The following CNOT4 variants were observed in gnomAD, a reference collection of about 807,000 sequenced individuals.
The protein encoded by CNOT4 is CCR4-associated factor 4.
A neutral mutation model predicts 73.8 loss-of-function variants in CNOT4; 8 were observed. That is an observed-to-expected ratio of 0.11 (90% CI 0.06 to 0.20). CNOT4 has a LOEUF of 0.20. CNOT4 is among the 10% of genes least tolerant of loss of function. The probability of loss-of-function intolerance (pLI) is 1.00; values close to 1 mark genes in which losing one functional copy is unlikely to be tolerated. For synonymous variants in CNOT4, 293 were observed against 321.1 expected, an observed-to-expected ratio of 0.91 and a Z score of 0.94; for missense variants, 564 against 883.4, an observed-to-expected ratio of 0.64 and a Z score of 4.58.
chr7:135,395,131 T>C (rs1307347560), intron 9 of CNOT4, among the ~76,000 whole-genome samples: 1 of 152,152 alleles, frequency 6.6e-6, no homozygotes, highest in Admixed American at 6.5e-5. Context: ...TTCATGCCTG[T>C]AATCCCAGCA....
chr7:135,418,570 G>A (rs1160857372), intron 3 of CNOT4, among the ~76,000 whole-genome samples: 5 of 152,122 alleles, frequency 3.3e-5, no homozygotes, highest in Admixed American at 3.3e-4. Context: ...ATGGATGGAT[G>A]AACAACATGC....
At chr7:135,387,273 A>G (rs1796167012) in intron 10 of CNOT4, 1 of 985,056 alleles carries the variant, frequency 1.0e-6, no homozygotes, top group African/African-American at 1.7e-5. Context: ...TTTTACAAAA[A>G]TAACTTAAAT....
chr7:135,483,688 G>C (rs1380872805), intron 1 of CNOT4, among the ~76,000 whole-genome samples: 1 of 151,916 alleles, frequency 6.6e-6, no homozygotes, highest in Non-Finnish European at 1.5e-5. Context: ...GCCGGACAAG[G>C]TGTCACATGC....
intron 1 of CNOT4, among the ~76,000 whole-genome samples, chr7:135,445,938 G>A (rs1585655261): frequency 6.6e-6 from 1 of 152,132 alleles, no homozygotes; most frequent in Admixed American, 6.5e-5. Flanking sequence ...AGTGAGTGGT[G>A]GGATCATAGC....
At chr7:135,442,471 T>C (rs184351910) in intron 1 of CNOT4, among the ~76,000 whole-genome samples, 2 of 152,186 alleles carry the variant, frequency 1.3e-5, no homozygotes, top group Admixed American at 6.5e-5. Flanking sequence ...TGTTGGTGCA[T>C]GCCTGTAATC....
In CNOT4 at chr7:135,362,902, T is replaced by A. The variant is rs758335895; in HGVS notation, c.2125A>T (p.Thr709Ser). The change falls in exon 12 of 12, where the codon ACA becomes TCA. Residue 709 changes from threonine to serine, a missense_variant. Around this residue, in one of 10 missense-constraint regions of CNOT4, gnomAD observed 88 missense variants for 94.7 expected, o/e 0.93. Transcript: ENST00000541284. Reference protein sequence around the residue: ...KTPTDLLQSSTLDRH With the variant: ...KTPTDLLQSSSLDRH ...CTCTTTGCCTAATGGCGGTCCAGTG[T>A]TGAACTCTGTAGTAAATCTGTGGGG... is the stretch of plus-strand genomic sequence containing the variant. The A allele has an allele frequency of 5.6e-6, 9 of 1,613,686 alleles. No homozygotes were observed. Among genetic ancestry groups the A allele is most frequent in the Non-Finnish European group, 5.1e-6 (6 of 1,179,802 alleles).
At chr7:135,415,886 C>T (rs1797846825) in intron 3 of CNOT4, among the ~76,000 whole-genome samples, 1 of 151,888 alleles carries the variant, frequency 6.6e-6, no homozygotes, top group Non-Finnish European at 1.5e-5. Context: ...TTTCCTGGTA[C>T]GTAACATTTC....
chr7:135,427,104 A>G (rs1585627158), intron 2 of CNOT4, among the ~76,000 whole-genome samples: 1 of 152,304 alleles, frequency 6.6e-6, no homozygotes, highest in Non-Finnish European at 1.5e-5. Context: ...GTATTTAGAT[A>G]TAACACTATT....
Position 135,444,794 on chromosome 7 carries a change from T to C in CNOT4, c.-92-6371A>G, listed in dbSNP as rs1260741702. ...GCCTTGGACAAGTTGTTACTGACTA[T>C]GTTCATGGGGATGCCTCGCAGAAAG... On this transcript the variant is annotated intron_variant, in intron 1 of 11. Transcript: ENST00000541284. 80 of 1,599,078 alleles carry C rather than the reference T, an allele frequency of 5.0e-5. No individual in the cohort carries two copies. The Middle Eastern group carries it at 2.3e-3, about 45-fold the overall frequency.
intron 2 of CNOT4, among the ~76,000 whole-genome samples, chr7:135,423,064 CTTTA>C (rs1005313265): frequency 2.0e-5 from 3 of 152,122 alleles, no homozygotes; most frequent in Non-Finnish European, 2.9e-5. Context: ...AACTACAGTA[CTTTA>C]TTTATTCACC....
chr7:135,364,558 C>A lies in CNOT4; in HGVS notation c.1628-492G>T, dbSNP rs373140091. Among the ~76,000 whole-genome samples, 13 of 152,310 alleles carry A rather than the reference C, an allele frequency of 8.5e-5. No individual in the cohort carries two copies. Among genetic ancestry groups the A allele is most frequent in the African/African-American group, 2.9e-4 (12 of 41,570 alleles). On this transcript the variant is annotated intron_variant, in intron 10 of 11. Transcript: ENST00000541284. The surrounding 1 kb of genome is among the most constrained non-coding windows in gnomAD (Gnocchi z 4.3). ...ATAGAAAAAGAAAAATAATTAAGTCCTTCTTCATTATAAAACTGGCAATGT... is the reference window on the plus strand; with the variant it reads ...ATAGAAAAAGAAAAATAATTAAGTCATTCTTCATTATAAAACTGGCAATGT...
chr7:135,406,485 C>T (rs988030030), intron 7 of CNOT4, among the ~76,000 whole-genome samples: 3 of 151,680 alleles, frequency 2.0e-5, no homozygotes, highest in East Asian at 1.9e-4. Flanking sequence ...CATGGTGAAA[C>T]GCCATCTCTA....
At chr7:135,387,382 A>G in intron 10 of CNOT4, 4 of 984,018 alleles carry the variant, frequency 4.1e-6, no homozygotes, top group Non-Finnish European at 4.8e-6. Flanking sequence ...GGATAAAGTC[A>G]TTTAATTTGT....
At chr7:135,444,422 T>G (rs1344760086) in intron 1 of CNOT4, 1 of 746,868 alleles carries the variant, frequency 1.3e-6, no homozygotes, top group African/African-American at 1.7e-5. Flanking sequence ...CATGGAATAT[T>G]AGAATATATT....
At chr7:135,451,209 G>A (rs905599052) in intron 1 of CNOT4, among the ~76,000 whole-genome samples, 1 of 152,164 alleles carries the variant, frequency 6.6e-6, no homozygotes, top group African/African-American at 2.4e-5. Flanking sequence ...ATTAAATAAA[G>A]CAGTTTTAAA....
intron 2 of CNOT4, among the ~76,000 whole-genome samples, chr7:135,424,644 C>G (rs922904732): frequency 6.6e-6 from 1 of 151,976 alleles, no homozygotes; most frequent in Non-Finnish European, 1.5e-5. Flanking sequence ...TAAAAACTAG[C>G]CGGGTGTGGT....
chr7:135,376,359 T>C (rs946077537), intron 10 of CNOT4, among the ~76,000 whole-genome samples: 2 of 152,196 alleles, frequency 1.3e-5, no homozygotes, highest in African/African-American at 4.8e-5. Context: ...CTGCTTTTTT[T>C]TAATTTTAAT....
chr7:135,375,952 G>A (rs1345801217), intron 10 of CNOT4, among the ~76,000 whole-genome samples: 1 of 151,722 alleles, frequency 6.6e-6, no homozygotes, highest in Non-Finnish European at 1.5e-5. Flanking sequence ...GGGTGTGTGT[G>A]TGTGTGTATG....
chr7:135,452,496 G>T (rs2129485936), intron 1 of CNOT4, among the ~76,000 whole-genome samples: 1 of 152,278 alleles, frequency 6.6e-6, no homozygotes, highest in Non-Finnish European at 1.5e-5. Context: ...CATGAACCTG[G>T]GAGGCGGAGG....
Sources: allele counts gnomAD v4.1 joint callset (sites outside exome capture counted in the v4.1 genomes callset), GRCh38; gene constraint gnomAD v4.1.1; regional missense constraint gnomAD v4.1.1; non-coding constraint Gnocchi (gnomAD v3.1); transcripts MANE v1.5; gene names NCBI Gene and HGNC (gene_info 2026-07-23, HGNC 2026-07-21).